SCAMP1: variants seen among roughly 807,000 people sequenced by gnomAD.
SCAMP1 encodes secretory carrier membrane protein 1, also known as secretory carrier-associated membrane protein 1.
In SCAMP1, 15 loss-of-function variants were observed where a neutral mutation model predicts 41.8. The ratio of observed to expected loss-of-function variants is 0.36; its 90% CI spans 0.24 to 0.55. SCAMP1 has a LOEUF of 0.55. Among genes scored for constraint, SCAMP1 ranks in the 20% least tolerant of loss-of-function variants. The pLI is 0.86. For missense variants in SCAMP1, 341 were observed against 412.6 expected, an observed-to-expected ratio of 0.83 and a Z score of 1.50; for synonymous variants, 135 against 136.8, an observed-to-expected ratio of 0.99 and a Z score of 0.09.
Position 78,415,605 on chromosome 5 carries a change from C to A in SCAMP1, c.221C>A (p.Thr74Lys). 6.3e-7 allele frequency: 1 copy of A among 1,593,814 alleles called. No individual in the cohort carries two copies. The highest frequency in any genetic ancestry group is 8.6e-7 in the Non-Finnish European group (1 of 1,167,162). The change falls in exon 3 of 9, where the codon ACA (threonine) becomes AAA (lysine). Residue 74 changes from threonine to lysine, a missense_variant. By Grantham distance (78) the Thr-to-Lys change is moderately conservative. Transcript: ENST00000621999. ...MKPTEEHPAY[T>K]QIAKEHALAQ... ...CCAACAGAGGAACATCCAGCTTATA[C>A]ACAGATTGCAAAGGTTAGTTCATGT...
intron 2 of SCAMP1, among the ~76,000 whole-genome samples, chr5:78,398,590 C>T (rs1191550701): frequency 3.7e-5 from 5 of 134,492 alleles, no homozygotes; most frequent in Admixed American, 8.5e-5. Context: ...CTTGCTCTGT[C>T]GCCCAGGCTG....
chr5:78,422,891 T>C (rs1219073016), intron 6 of SCAMP1, among the ~76,000 whole-genome samples: 1 of 152,222 alleles, frequency 6.6e-6, no homozygotes, highest in Non-Finnish European at 1.5e-5. Flanking sequence ...TACTAGGATA[T>C]ATGCGTGTGT....
Position 78,458,562 on chromosome 5 carries a change from TCAG to T in SCAMP1, c.735-679_735-677del, listed in dbSNP as rs201189727. ...GTTTATAAATATCTTCTTTCATAAT[TCAG>T]CAGAATTGAAAATAAACATTTAAAA... On this transcript the variant is annotated intron_variant, in intron 7 of 8. Transcript: ENST00000621999. Among the ~76,000 whole-genome samples the T allele has an allele frequency of 1.6e-4, 25 of 152,330 alleles. No homozygotes were observed. The East Asian group carries it at 4.2e-3, about 26-fold the overall frequency.
chr5:78,475,974 T>A lies in SCAMP1; in HGVS notation c.*306T>A, dbSNP rs1475802112. On this transcript the variant is annotated 3_prime_UTR_variant, in exon 9 of 9. Coordinates refer to ENST00000621999, the MANE Select transcript of SCAMP1 (RefSeq NM_004866.6). ...CACTGAAAATTAATAATGGTACTTA[T>A]GATTAAAAACGCATTTAATACTAAC... 5.9e-6 allele frequency: 1 copy of A among 169,042 alleles called. No homozygotes were observed. The highest frequency in any genetic ancestry group is 2.4e-5 in the African/African-American group (1 of 42,094). 10.5% of individuals were successfully genotyped at this position (169,042 alleles called of 1,614,324 possible). A position where few individuals can be genotyped will look rare whatever the true frequency, so the allele number is the denominator to read the frequency against.
At chr5:78,398,265 A>G (rs1006828274) in intron 2 of SCAMP1, among the ~76,000 whole-genome samples, 1 of 151,872 alleles carries the variant, frequency 6.6e-6, no homozygotes, top group African/African-American at 2.4e-5. Context: ...CCTTGAAAAC[A>G]TTATGCCTTC....
chr5:78,400,645 A>T (rs1751774382), intron 2 of SCAMP1, among the ~76,000 whole-genome samples: 5 of 152,172 alleles, frequency 3.3e-5, no homozygotes, highest in Admixed American at 3.3e-4. Context: ...TTGAAATTCG[A>T]CTTGTTCATT....
At chr5:78,397,080 T>G (rs1314997612) in intron 2 of SCAMP1, among the ~76,000 whole-genome samples, 5 of 151,862 alleles carry the variant, frequency 3.3e-5, no homozygotes, top group African/African-American at 1.2e-4. Flanking sequence ...GGAAAGGAGG[T>G]TAAGATAAAG....
intron 6 of SCAMP1, among the ~76,000 whole-genome samples, chr5:78,443,105 C>G (rs971123419): frequency 6.8e-6 from 1 of 146,816 alleles, no homozygotes. Context: ...CCCAGCTATG[C>G]GTGAGGCTGA....
chr5:78,405,079 A>G (rs1452444908), intron 2 of SCAMP1, among the ~76,000 whole-genome samples: 1 of 152,174 alleles, frequency 6.6e-6, no homozygotes, highest in Admixed American at 6.5e-5. Context: ...TTCTGCAGTC[A>G]TGGGTCAGCA....
In SCAMP1 at chr5:78,382,153, TG is replaced by T. The variant is rs151067335; in HGVS notation, c.58-6679del. Among the ~76,000 whole-genome samples, 969 of 152,286 alleles carry T rather than the reference TG, an allele frequency of 6.4e-3. 8 individuals are homozygous for T. The highest frequency in any genetic ancestry group is 0.022 in the African/African-American group (920 of 41,560). Reference sequence around the variant, plus strand: ...CCCAGACCTACTGAATGAGAAATTCTGGGGGTTGGGTGCAACACTCTGTGTC... The same window carrying T: ...CCCAGACCTACTGAATGAGAAATTCTGGGGTTGGGTGCAACACTCTGTGTC... On this transcript the variant is annotated intron_variant, in intron 1 of 8. Transcript: ENST00000621999.
chr5:78,392,568 T>C (rs1431782257), intron 2 of SCAMP1, among the ~76,000 whole-genome samples: 1 of 152,188 alleles, frequency 6.6e-6, no homozygotes, highest in East Asian at 1.9e-4. Context: ...GACTTTATAG[T>C]TACAAAAAGA....
chr5:78,385,347 G>A (rs1416149383), intron 1 of SCAMP1, among the ~76,000 whole-genome samples: 1 of 151,542 alleles, frequency 6.6e-6, no homozygotes, highest in Admixed American at 6.6e-5. Flanking sequence ...TTTTTTTCTT[G>A]GTTAATATTG....
chr5:78,455,489 T>C lies in SCAMP1; in HGVS notation c.735-3756T>C, dbSNP rs1256296715. Among the ~76,000 whole-genome samples, 85 of 131,218 alleles carry C rather than the reference T, an allele frequency of 6.5e-4. 2 individuals are homozygous for C. The highest frequency in any genetic ancestry group is 1.5e-3 in the Admixed American group (21 of 13,806). The allele number at this position is 131,218 out of a possible 152,430, so 86.1% of individuals were successfully genotyped here. ...GTTGTTCAGTTTCCATGTAGTTGAGTGGTTTTGAGTGAGATTCTTAATCCT... is the reference window on the plus strand; with the variant it reads ...GTTGTTCAGTTTCCATGTAGTTGAGCGGTTTTGAGTGAGATTCTTAATCCT... On this transcript the variant is annotated intron_variant, in intron 7 of 8. Transcript: ENST00000621999.
chr5:78,416,588 A>G lies in SCAMP1; in HGVS notation c.282A>G (p.Leu94=), dbSNP rs1752214432. ...AACTTCTTAAGCGCCAGGAAGAACT[A>G]GAAAGAAAAGCCGCAGAATTAGATC... ...QAELLKRQEE[L]ERKAAELDRR... is the part of the protein sequence containing the mutation. Residue 94 remains leucine (L), a synonymous_variant, in exon 4 of 9, where the codon CTA becomes CTG. Transcript: ENST00000621999. 1 of 1,599,956 alleles carries G rather than the reference A, an allele frequency of 6.3e-7. No homozygotes were observed. Among genetic ancestry groups the G allele is most frequent in the Non-Finnish European group, 8.5e-7 (1 of 1,172,920 alleles).
intron 2 of SCAMP1, among the ~76,000 whole-genome samples, chr5:78,396,064 C>T (rs1164775059): frequency 1.3e-5 from 2 of 152,122 alleles, no homozygotes; most frequent in Non-Finnish European, 2.9e-5. Context: ...TCTTTATCCC[C>T]ATTTAAAAGG....
intron 7 of SCAMP1, among the ~76,000 whole-genome samples, chr5:78,452,682 A>T (rs1215851592): frequency 6.6e-6 from 1 of 151,810 alleles, no homozygotes; most frequent in Non-Finnish European, 1.5e-5. Context: ...AGCATGATTT[A>T]TAGTCCTTTG....
At chr5:78,421,761 G>T (rs749134115) in intron 5 of SCAMP1, 40 bp from the exon 6 acceptor site, 1 of 1,550,574 alleles carries the variant, frequency 6.4e-7, no homozygotes, top group Non-Finnish European at 8.8e-7. Flanking sequence ...TAAATTGAAT[G>T]TAAATCTTTC....
intron 1 of SCAMP1, among the ~76,000 whole-genome samples, chr5:78,363,234 A>G (rs1469319062): frequency 6.9e-6 from 1 of 144,536 alleles, no homozygotes; most frequent in Non-Finnish European, 1.5e-5. Flanking sequence ...TTTTTTTGAG[A>G]CGGAGTCTCC....
chr5:78,384,020 G>A (rs1341480010), intron 1 of SCAMP1, among the ~76,000 whole-genome samples: 2 of 152,070 alleles, frequency 1.3e-5, no homozygotes, highest in African/African-American at 4.8e-5. Flanking sequence ...ATTGCTTTTG[G>A]CAGTATGGTC....
Sources: gnomAD v4.1 joint callset for allele counts (sites outside exome capture counted in the v4.1 genomes callset) on GRCh38, gnomAD v4.1.1 for gene constraint, MANE v1.5 for transcripts, NCBI Gene and HGNC (gene_info 2026-07-23, HGNC 2026-07-21) for gene names.